Variants in OSTF1 observed in about 807,000 individuals in gnomAD.
OSTF1 encodes osteoclast-stimulating factor 1.
In OSTF1, 27 loss-of-function variants were observed where a neutral mutation model predicts 37.2. The observed-to-expected ratio is 0.73, with a 90% CI of 0.54 to 1.00. OSTF1 has a LOEUF of 1.00. OSTF1 is among the 50% of genes least tolerant of loss of function. OSTF1 has a pLI of 0.00. For synonymous variants in OSTF1, 82 were observed against 89.2 expected (o/e 0.92, Z 0.46); for missense variants, 232 against 253.8 (o/e 0.91, Z 0.58).
intron 2 of OSTF1, among the ~76,000 whole-genome samples, chr9:75,126,438 T>C (rs1203146944): frequency 2.0e-5 from 3 of 152,218 alleles, no homozygotes; most frequent in Admixed American, 2.0e-4. Context: ...ACCATGATGA[T>C]GTAAACATTT....
At chr9:75,145,403 G>A (rs1234558977) in intron 9 of OSTF1, among the ~76,000 whole-genome samples, 1 of 152,164 alleles carries the variant, frequency 6.6e-6, no homozygotes, top group Admixed American at 6.5e-5. Context: ...AGAATATTGT[G>A]TTCTTTTATC....
rs1174174895 is a variant in OSTF1, at chr9:75,128,363, CATATATATATATATATATATAT to C, written c.132+767_132+788del. ...GTAGAATATGGATATGTATGAAAGA[CATATATATATATATATATATAT>C]ATATATATATATATATATATATTTT... On this transcript the variant is annotated intron_variant, in intron 3 of 9. Coordinates refer to ENST00000346234, the MANE Select transcript of OSTF1 (RefSeq NM_012383.5). Among the ~76,000 whole-genome samples, 86 of 11,518 alleles carry C rather than the reference CATATATATATATATATATATAT, an allele frequency of 7.5e-3. 8 individuals are homozygous for C. The highest frequency in any genetic ancestry group is 0.026 in the East Asian group (7 of 266). 7.6% of individuals were successfully genotyped at this position (11,518 alleles called of 152,430 possible). A position where few individuals can be genotyped will look rare whatever the true frequency, so the allele number is the denominator to read the frequency against.
chr9:75,145,968 T>G (rs899485037), intron 9 of OSTF1, among the ~76,000 whole-genome samples: 1 of 152,218 alleles, frequency 6.6e-6, no homozygotes, highest in African/African-American at 2.4e-5. Flanking sequence ...TTAGAGATCA[T>G]GAAGATCTGG....
In OSTF1 at chr9:75,088,582, C is replaced by G; in HGVS notation, c.-111C>G. 8.4e-7 allele frequency: 1 copy of G among 1,190,996 alleles called. No homozygotes were observed. The highest frequency in any genetic ancestry group is 2.6e-5 in the East Asian group (1 of 39,108). 73.8% of individuals were successfully genotyped at this position (1,190,996 alleles called of 1,614,324 possible). A position where few individuals can be genotyped will look rare whatever the true frequency, so the allele number is the denominator to read the frequency against. ...AAGGGTGGGCGCCGGTCCTAGGAGG[C>G]GCACGGTTGTAAGCCAGACAAAAAG... On this transcript the variant is annotated 5_prime_UTR_variant, in exon 1 of 10. Transcript: ENST00000346234.
intron 1 of OSTF1, among the ~76,000 whole-genome samples, chr9:75,113,861 G>C (rs1825435229): frequency 1.3e-5 from 2 of 152,130 alleles, no homozygotes; most frequent in Admixed American, 1.3e-4. Context: ...ATTAACTGTA[G>C]TCACCGTGAT....
At chr9:75,114,196 C>A (rs1210196284) in intron 1 of OSTF1, among the ~76,000 whole-genome samples, 1 of 151,930 alleles carries the variant, frequency 6.6e-6, no homozygotes, top group Non-Finnish European at 1.5e-5. Context: ...TTTAAAAATT[C>A]ATTCTGCCGT....
chr9:75,088,596 C>T lies in OSTF1; in HGVS notation c.-97C>T, dbSNP rs1824852588. 7.5e-7 allele frequency: 1 copy of T among 1,334,890 alleles called. No homozygotes were observed. The highest frequency in any genetic ancestry group is 1.1e-6 in the Non-Finnish European group (1 of 948,544). 82.7% of individuals were successfully genotyped at this position (1,334,890 alleles called of 1,614,324 possible). On this transcript the variant is annotated 5_prime_UTR_variant, in exon 1 of 10. Coordinates refer to ENST00000346234, the MANE Select transcript of OSTF1 (RefSeq NM_012383.5). ...GTCCTAGGAGGCGCACGGTTGTAAG[C>T]CAGACAAAAAGAACTGGGGTGCCCG... is the stretch of plus-strand genomic sequence containing the variant.
At chr9:75,101,956 T>A (rs1336352437) in intron 1 of OSTF1, among the ~76,000 whole-genome samples, 4 of 152,210 alleles carry the variant, frequency 2.6e-5, no homozygotes, top group African/African-American at 4.8e-5. Flanking sequence ...TAAGGCCATT[T>A]AAAAAAATTT....
At chr9:75,140,654 C>T (rs74560551) in intron 8 of OSTF1, among the ~76,000 whole-genome samples, 180 bp from the exon 9 acceptor site, 4,914 of 152,232 alleles carry the variant, frequency 0.032, 261 homozygotes, top group African/African-American at 0.11. Context: ...AACAAGCTTC[C>T]CGATTAAAGA....
intron 1 of OSTF1, among the ~76,000 whole-genome samples, chr9:75,097,051 G>A (rs1024380183): frequency 6.6e-6 from 1 of 152,168 alleles, no homozygotes; most frequent in Non-Finnish European, 1.5e-5. Context: ...TCATCTGAAG[G>A]TATTCCTGCT....
chr9:75,097,749 TC>T (rs1825112694), intron 1 of OSTF1, among the ~76,000 whole-genome samples: 1 of 130,382 alleles, frequency 7.7e-6, no homozygotes, highest in South Asian at 2.5e-4. Context: ...CCTCGTGCCG[TC>T]CCCTCTTTTT....
intron 1 of OSTF1, among the ~76,000 whole-genome samples, chr9:75,101,209 G>C (rs1036848656): frequency 1.3e-5 from 2 of 152,188 alleles, no homozygotes; most frequent in African/African-American, 4.8e-5. Flanking sequence ...TCTAGGCGGA[G>C]CCCTGGAGTG....
intron 1 of OSTF1, among the ~76,000 whole-genome samples, chr9:75,097,852 GT>G (rs369920296): frequency 0.042 from 5,719 of 135,060 alleles, 120 homozygotes; most frequent in East Asian, 0.09. Context: ...TTATGCCTCA[GT>G]TTTTTTTTTT....
At chr9:75,100,940 T>G (rs993494126) in intron 1 of OSTF1, among the ~76,000 whole-genome samples, 1 of 152,206 alleles carries the variant, frequency 6.6e-6, no homozygotes. Flanking sequence ...TTTCACTTCC[T>G]GGCCTTCCCG....
chr9:75,129,200 A>G (rs1587466809), intron 3 of OSTF1, among the ~76,000 whole-genome samples: 1 of 152,206 alleles, frequency 6.6e-6, no homozygotes, highest in Admixed American at 6.5e-5. Flanking sequence ...AAATACATTT[A>G]AATTTATGAG....
intron 1 of OSTF1, among the ~76,000 whole-genome samples, chr9:75,091,024 A>C (rs1824963849): frequency 6.7e-6 from 1 of 149,878 alleles, no homozygotes; most frequent in Admixed American, 6.6e-5. Context: ...CAACAGTTAG[A>C]GTGGGGGATG....
chr9:75,104,339 G>A (rs975665388), intron 1 of OSTF1, among the ~76,000 whole-genome samples: 2 of 152,088 alleles, frequency 1.3e-5, no homozygotes, highest in African/African-American at 4.8e-5. Flanking sequence ...GAAGCTAGGA[G>A]CTCAAGACCA....
chr9:75,120,484 C>T (rs1212269392), intron 2 of OSTF1, among the ~76,000 whole-genome samples: 4 of 152,086 alleles, frequency 2.6e-5, no homozygotes, highest in East Asian at 1.9e-4. Context: ...GCTGCCTCCT[C>T]GAATCTAGAA....
chr9:75,112,762 G>A (rs770124425), intron 1 of OSTF1, among the ~76,000 whole-genome samples: 1 of 152,124 alleles, frequency 6.6e-6, no homozygotes, highest in Non-Finnish European at 1.5e-5. Context: ...CATTTAGTTC[G>A]CATGGGATCT....
Sources: allele counts gnomAD v4.1 joint callset (sites outside exome capture counted in the v4.1 genomes callset), GRCh38; gene constraint gnomAD v4.1.1; transcripts MANE v1.5; gene names NCBI Gene and HGNC (gene_info 2026-07-23, HGNC 2026-07-21).